The following MAGOHB variants were observed in gnomAD, a reference collection of about 807,000 sequenced individuals.
The protein encoded by MAGOHB is protein mago nashi homolog 2.
In MAGOHB, 15 loss-of-function variants were observed where a neutral mutation model predicts 20.9. The observed-to-expected ratio is 0.72, with a 90% CI of 0.48 to 1.11. MAGOHB has a LOEUF of 1.11. Ranked by LOEUF, MAGOHB falls within the 50% of genes least tolerant of loss-of-function variation. MAGOHB has a pLI of 0.00. For synonymous variants in MAGOHB, 50 were observed against 57.9 expected (o/e 0.86, Z 0.62); for missense variants, 162 against 177.6 (o/e 0.91, Z 0.50).
intron 4 of MAGOHB, among the ~76,000 whole-genome samples, chr12:10,606,945 G>T (rs1455420761): frequency 6.6e-6 from 1 of 152,068 alleles, no homozygotes; most frequent in East Asian, 1.9e-4. Flanking sequence ...GAAATTACTA[G>T]GCCAAAGGTG....
intron 1 of MAGOHB, among the ~76,000 whole-genome samples, chr12:10,612,415 A>C (rs541244658): frequency 1.7e-4 from 18 of 108,480 alleles, no homozygotes; most frequent in African/African-American, 4.8e-4. Context: ...TAATAATAAT[A>C]ATAATTGCAG....
At chr12:10,610,747 A>T in intron 1 of MAGOHB, 67 bp from the exon 2 acceptor site, 1 of 1,449,220 alleles carries the variant, frequency 6.9e-7, no homozygotes, top group Non-Finnish European at 9.3e-7. Context: ...CATCATATAC[A>T]ATTTTGAAGG....
chr12:10,604,413 T>C lies in MAGOHB; in HGVS notation c.*1862A>G, dbSNP rs1284552494. 6 of 152,332 alleles carry C rather than the reference T, an allele frequency of 3.9e-5. No individual in the cohort carries two copies. The South Asian group carries it at 1.0e-3, about 26-fold the overall frequency. 9.4% of individuals were successfully genotyped at this position (152,332 alleles called of 1,614,324 possible). The stretch of plus-strand genomic sequence containing the variant: ...ACCTAGTCTCCCATCTTGGTTTAAA[T>C]ATGAGAAATTCTAGTAGATAGTGGG... On this transcript the variant is annotated 3_prime_UTR_variant, in exon 5 of 5. Transcript: ENST00000320756.
intron 2 of MAGOHB, among the ~76,000 whole-genome samples, chr12:10,610,150 CTT>C (rs1180497899): frequency 7.2e-5 from 11 of 152,158 alleles, no homozygotes; most frequent in Non-Finnish European, 1.0e-4. Context: ...TTTTTTCCCT[CTT>C]CTCATCATTA....
intron 1 of MAGOHB, among the ~76,000 whole-genome samples, chr12:10,613,197 G>A (rs1197961961): frequency 6.6e-6 from 1 of 152,118 alleles, no homozygotes; most frequent in Non-Finnish European, 1.5e-5. Flanking sequence ...AGTCCCTTCT[G>A]GTGCACTGTT....
chr12:10,608,281 T>C (rs1011390923), intron 3 of MAGOHB: 4 of 175,258 alleles, frequency 2.3e-5, no homozygotes, highest in Non-Finnish European at 4.8e-5. Context: ...GATTGGAGTA[T>C]AAGACCATTT....
rs756752500 is a variant in MAGOHB, at chr12:10,606,140, T to C, written c.*135A>G. 75 of 546,812 alleles carry C rather than the reference T, an allele frequency of 1.4e-4. No individual in the cohort carries two copies. In the Middle Eastern group the frequency reaches 1.9e-3, roughly 14 times the overall value. The allele number at this position is 546,812 out of a possible 1,614,324, so 33.9% of individuals were successfully genotyped here. Reference sequence around the variant, plus strand: ...TAAGGATAACCATTAAGCTTGCTAATGTATTTTCTTATTTTCAGTTTACAT... The same window carrying C: ...TAAGGATAACCATTAAGCTTGCTAACGTATTTTCTTATTTTCAGTTTACAT... On this transcript the variant is annotated 3_prime_UTR_variant, in exon 5 of 5. Transcript: ENST00000320756.
chr12:10,608,104 C>T, intron 3 of MAGOHB, 168 bp from the exon 4 acceptor site: 1 of 507,682 alleles, frequency 2.0e-6, no homozygotes, highest in South Asian at 2.8e-5. Flanking sequence ...TAAACTATAT[C>T]CTTAAAATAA....
chr12:10,607,171 ATAT>A (rs1284924588), intron 4 of MAGOHB, among the ~76,000 whole-genome samples: 1 of 152,186 alleles, frequency 6.6e-6, no homozygotes, highest in Non-Finnish European at 1.5e-5. Flanking sequence ...CCACTAACAA[ATAT>A]TTATTGAAAG....
chr12:10,600,485 G>C (rs1268118093), downstream of MAGOHB, among the ~76,000 whole-genome samples: 5 of 151,768 alleles, frequency 3.3e-5, no homozygotes, highest in African/African-American at 1.2e-4. Flanking sequence ...ATCACCAAAT[G>C]CCCTCCAGAA....
rs933156034 is a variant in MAGOHB at position 10,613,595 on chromosome 12, G to A, written c.-63C>T. 10 of 1,072,420 alleles carry A rather than the reference G, an allele frequency of 9.3e-6. No homozygotes were observed. Among genetic ancestry groups the A allele is most frequent in the African/African-American group, 6.2e-5 (4 of 64,554 alleles). The allele number at this position is 1,072,420 out of a possible 1,614,324, so 66.4% of individuals were successfully genotyped here. The stretch of plus-strand genomic sequence containing the variant: ...GTGTCCCCCGGCGCCTTGCAGTGAC[G>A]TCATCGCGCGGAATAAGTGCGTCAC... On this transcript the variant is annotated 5_prime_UTR_variant, in exon 1 of 5. In the 5' UTR this introduces an upstream ATG that the reference lacks. Coordinates refer to ENST00000320756, the MANE Select transcript of MAGOHB (RefSeq NM_018048.5).
At chr12:10,612,927 C>T in intron 1 of MAGOHB, 1 of 1,289,134 alleles carries the variant, frequency 7.8e-7, no homozygotes, top group Non-Finnish European at 1.0e-6. Flanking sequence ...CTTCCTGACT[C>T]CCTCCTGTGG....
intron 3 of MAGOHB, 133 bp from the exon 4 acceptor site, chr12:10,608,069 G>T (rs917103029): frequency 1.8e-6 from 1 of 567,946 alleles, no homozygotes. Flanking sequence ...GGGGCGAGGG[G>T]GAAAGAAACA....
chr12:10,601,294 C>T (rs74394243), downstream of MAGOHB, among the ~76,000 whole-genome samples: 3 of 110,512 alleles, frequency 2.7e-5, no homozygotes, highest in African/African-American at 9.9e-5. Context: ...CAAGTATTTT[C>T]GTCCCCATTT....
chr12:10,607,905 A>G lies in MAGOHB; in HGVS notation c.296T>C (p.Ile99Thr), dbSNP rs750850315. 1 of 1,590,760 alleles carries G rather than the reference A, an allele frequency of 6.3e-7. No individual in the cohort carries two copies. Among genetic ancestry groups the G allele is most frequent in the South Asian group, 1.1e-5 (1 of 87,290 alleles). Residue 99 changes from isoleucine to threonine, a missense_variant, in exon 4 of 5, where the codon ATA (isoleucine) becomes ACA (threonine). By Grantham distance (89) the Ile-to-Thr change is moderately conservative (BLOSUM62 -1). Transcript: ENST00000320756. Reference sequence around the variant, plus strand: ...ACCTATTTTTGATGTGGTAAAAGATATGTGCTCATCTCCAATTACAATTTC... The same window carrying G: ...ACCTATTTTTGATGTGGTAAAAGATGTGTGCTCATCTCCAATTACAATTTC... Reference protein sequence around the residue: ...ELEIVIGDEHISFTTSKIGSL... With the variant: ...ELEIVIGDEHTSFTTSKIGSL...
intron 2 of MAGOHB, 45 bp downstream of exon 2, chr12:10,610,577 C>CAAAAAAAA (rs541042923): frequency 5.1e-4 from 374 of 727,544 alleles, no homozygotes; most frequent in African/African-American, 3.3e-3. Context: ...GGGCTAAATG[C>CAAAAAAAA]AAAAAAAAAA....
chr12:10,603,313 CAA>C (rs11296285), downstream of MAGOHB, among the ~76,000 whole-genome samples: 2,920 of 75,186 alleles, frequency 0.039, 86 homozygotes, highest in African/African-American at 0.12. Flanking sequence ...GACTCCGTCT[CAA>C]AAAAAAAAAA....
intron 1 of MAGOHB, among the ~76,000 whole-genome samples, chr12:10,612,115 T>A (rs1363864344): frequency 6.6e-6 from 1 of 152,110 alleles, no homozygotes; most frequent in Non-Finnish European, 1.5e-5. Flanking sequence ...TGTGGGTGGC[T>A]GACGCTGGTG....
At chr12:10,603,076 C>G (rs1249490845), downstream of MAGOHB, among the ~76,000 whole-genome samples, 1 of 151,970 alleles carries the variant, frequency 6.6e-6, no homozygotes, top group Admixed American at 6.6e-5. Context: ...AAAGATAAAA[C>G]GAGGCCGAAG....
Sources: allele counts gnomAD v4.1 joint callset (sites outside exome capture counted in the v4.1 genomes callset), GRCh38; gene constraint gnomAD v4.1.1; transcripts MANE v1.5; gene names NCBI Gene and HGNC (gene_info 2026-07-23, HGNC 2026-07-21).